Variants in NECTIN3 observed in about 807,000 individuals in gnomAD.
NECTIN3 encodes nectin cell adhesion molecule 3, also known as nectin-3.
NECTIN3 carries 8 observed loss-of-function variants against 49.4 expected under a neutral mutation model. The observed-to-expected ratio is 0.16, with a 90% CI of 0.10 to 0.29. The LOEUF is 0.29. NECTIN3 is among the 10% of genes least tolerant of loss of function. The pLI is 1.00. For missense variants in NECTIN3, 581 were observed against 654.6 expected, an observed-to-expected ratio of 0.89 and a Z score of 1.23; for synonymous variants, 277 against 241.1, an observed-to-expected ratio of 1.15 and a Z score of -1.38.
At chr3:111,172,825 G>A (rs897489247) in intron 7 of NECTIN3, among the ~76,000 whole-genome samples, 3 of 152,076 alleles carry the variant, frequency 2.0e-5, no homozygotes, top group African/African-American at 7.2e-5. Flanking sequence ...TCCTGCACAC[G>A]TTGTTCTAAG....
intron 1 of NECTIN3, among the ~76,000 whole-genome samples, chr3:111,095,368 A>G (rs9288919): frequency 0.83 from 126,800 of 152,208 alleles, 55,597 homozygotes; most frequent in Non-Finnish European, 0.97. Context: ...TGCTGTTGAG[A>G]TACTTAATGG....
chr3:111,085,803 C>A (rs1309162014), intron 1 of NECTIN3, among the ~76,000 whole-genome samples: 1 of 151,520 alleles, frequency 6.6e-6, no homozygotes, highest in African/African-American at 2.4e-5. Context: ...CACTTTGAGG[C>A]TTTTATGAAT....
chr3:111,122,297 A>C lies in NECTIN3; in HGVS notation c.917+59A>C. The stretch of plus-strand genomic sequence containing the variant: ...AAAAGTGAAACCTTCTTAAATCCCC[A>C]TTCTAAATTGTTTTTATCTGTATAA... On this transcript the variant is annotated intron_variant, in intron 4 of 5. Transcript: ENST00000485303. 3.0e-6 allele frequency: 4 copies of C among 1,312,364 alleles called. No individual in the cohort carries two copies. The South Asian group carries it at 5.2e-5, about 17-fold the overall frequency. 81.3% of individuals were successfully genotyped at this position (1,312,364 alleles called of 1,614,324 possible).
At chr3:111,073,326 G>A (rs2030935827) in intron 1 of NECTIN3, 1 of 152,214 alleles carries the variant, frequency 6.6e-6, no homozygotes, top group African/African-American at 2.4e-5. Flanking sequence ...TTTAGAAGGA[G>A]GAGAATCCTG....
rs2034592984 is a variant in NECTIN3, at chr3:111,136,805, A to G, written c.*2590A>G. On this transcript the variant is annotated 3_prime_UTR_variant, in exon 6 of 6. Transcript: ENST00000485303. The stretch of plus-strand genomic sequence containing the variant: ...TCATACTGGTTAAAATATTTCAATG[A>G]TATAATGAAGATGAATGCAACTCTT... The G allele has an allele frequency of 1.1e-6, 1 of 941,818 alleles. No homozygotes were observed. The highest frequency in any genetic ancestry group is 1.3e-6 in the Non-Finnish European group (1 of 790,566). The allele number at this position is 941,818 out of a possible 1,614,324, so 58.3% of individuals were successfully genotyped here.
chr3:111,072,426 G>C (rs751275157), intron 1 of NECTIN3: 920 of 1,530,956 alleles, frequency 6.0e-4, no homozygotes, highest in Non-Finnish European at 7.5e-4. Context: ...GCGGATGGCC[G>C]AGGGTTGGCG....
chr3:111,154,974 G>A (rs2035068739), intron 7 of NECTIN3, among the ~76,000 whole-genome samples: 1 of 152,050 alleles, frequency 6.6e-6, no homozygotes. Flanking sequence ...GTCTTGCTCT[G>A]TTGCCAGACT....
At chr3:111,111,485 T>C (rs2107448244) in intron 1 of NECTIN3, among the ~76,000 whole-genome samples, 1 of 152,264 alleles carries the variant, frequency 6.6e-6, no homozygotes, top group African/African-American at 2.4e-5. Context: ...TTATATTTGG[T>C]TTGGGAGATC....
intron 1 of NECTIN3, chr3:111,193,138 T>C: frequency 7.1e-7 from 1 of 1,400,900 alleles, no homozygotes; most frequent in Non-Finnish European, 9.7e-7. Context: ...TGCCTGTTTT[T>C]ACCAGTGCTA....
downstream of NECTIN3, among the ~76,000 whole-genome samples, chr3:111,139,417 C>T (rs2034684840): frequency 6.6e-6 from 1 of 151,662 alleles, no homozygotes; most frequent in South Asian, 2.1e-4. Context: ...TTAAATTCTG[C>T]CATTTGCATC....
intron 1 of NECTIN3, among the ~76,000 whole-genome samples, chr3:111,102,581 C>A (rs1176484754): frequency 6.6e-6 from 1 of 152,206 alleles, no homozygotes; most frequent in Non-Finnish European, 1.5e-5. Context: ...AGATCAGTAA[C>A]TTTAAGCATG....
intron 7 of NECTIN3, among the ~76,000 whole-genome samples, chr3:111,149,591 A>G (rs1283776257): frequency 6.6e-6 from 1 of 150,422 alleles, no homozygotes; most frequent in Non-Finnish European, 1.5e-5. Flanking sequence ...ATTTCTCTCC[A>G]CCCTCCTCCC....
intron 4 of NECTIN3, among the ~76,000 whole-genome samples, chr3:111,124,841 A>G (rs1047129688): frequency 6.6e-6 from 1 of 152,156 alleles, no homozygotes; most frequent in Non-Finnish European, 1.5e-5. Context: ...AATTGAAAAT[A>G]GAGACTACAT....
chr3:111,129,629 G>A (rs570651951), intron 5 of NECTIN3, among the ~76,000 whole-genome samples: 24 of 151,868 alleles, frequency 1.6e-4, no homozygotes, highest in South Asian at 2.1e-4. Flanking sequence ...CAGCACTTTC[G>A]AAGAAGTGGC....
intron 1 of NECTIN3, among the ~76,000 whole-genome samples, chr3:111,109,515 T>G (rs754380621): frequency 2.0e-5 from 3 of 151,942 alleles, no homozygotes; most frequent in Non-Finnish European, 4.4e-5. Flanking sequence ...CATCTAGGGT[T>G]TTTTTTTCTT....
intron 7 of NECTIN3, among the ~76,000 whole-genome samples, chr3:111,148,098 A>G (rs2034920645): frequency 1.3e-5 from 2 of 152,132 alleles, no homozygotes; most frequent in South Asian, 2.1e-4. Flanking sequence ...CTTTTTCTCT[A>G]TCACCCATAC....
At chr3:111,090,777 A>G (rs1440480344) in intron 1 of NECTIN3, among the ~76,000 whole-genome samples, 1 of 150,368 alleles carries the variant, frequency 6.7e-6, no homozygotes, top group Non-Finnish European at 1.5e-5. Context: ...GCTGATTAAA[A>G]TTCTCTTTTT....
intron 7 of NECTIN3, among the ~76,000 whole-genome samples, chr3:111,162,801 T>G (rs1466569861): frequency 1.3e-5 from 2 of 152,200 alleles, no homozygotes; most frequent in Admixed American, 6.5e-5. Context: ...CCATCAAGCT[T>G]CTTCTGTTAG....
chr3:111,185,216 C>G (rs934518644), intron 7 of NECTIN3, among the ~76,000 whole-genome samples: 1 of 152,176 alleles, frequency 6.6e-6, no homozygotes, highest in African/African-American at 2.4e-5. Context: ...ATGCCGAACT[C>G]TGTCTCCCCA....
Sources: allele counts gnomAD v4.1 joint callset (sites outside exome capture counted in the v4.1 genomes callset), GRCh38; gene constraint gnomAD v4.1.1; transcripts MANE v1.5; gene names NCBI Gene and HGNC (gene_info 2026-07-23, HGNC 2026-07-21).